The following DNAH17 variants were observed in gnomAD, a reference collection of about 807,000 sequenced individuals.
DNAH17 encodes the protein dynein axonemal heavy chain 17.
DNAH17 carries 376 observed loss-of-function variants against 485.6 expected under a neutral mutation model. The ratio of observed to expected loss-of-function variants is 0.77; its 90% CI spans 0.71 to 0.84. The LOEUF is 0.84. Ranked by LOEUF, DNAH17 falls within the 40% of genes least tolerant of loss-of-function variation. The probability of loss-of-function intolerance (pLI) is 0.00; values close to 1 mark genes in which losing one functional copy is unlikely to be tolerated. For synonymous variants in DNAH17, 3,031 were observed against 2,405.9 expected (o/e 1.26, Z -7.60); for missense variants, 6,370 against 5,839.3 (o/e 1.09, Z -2.96).
At position 78,445,657 on chromosome 17, in the gene DNAH17, C is replaced by G. The variant is rs1568061139; in HGVS notation, c.11235G>C (p.Leu3745=). 6.3e-7 allele frequency: 1 copy of G among 1,581,206 alleles called. No individual in the cohort carries two copies. Among genetic ancestry groups the G allele is most frequent in the East Asian group, 2.3e-5 (1 of 43,186 alleles). ...GGAGGAAATCCAGCTCCACTGGGTT[C>G]AGCTCCTTCTTCATGGACAGGACCT... is the stretch of plus-strand genomic sequence containing the variant. The part of the protein sequence containing the change: ...TFQVLSMKKE[L]NPVELDFLLR... The change falls in exon 70 of 81, where the codon CTG becomes CTC. Residue 3745 remains leucine (L), a synonymous_variant. Transcript: ENST00000389840.
At chr17:78,498,301 C>T (rs199947709) in intron 37 of DNAH17, among the ~76,000 whole-genome samples, 1 of 152,164 alleles carries the variant, frequency 6.6e-6, no homozygotes, top group Admixed American at 6.5e-5. Flanking sequence ...ACCTTGACAC[C>T]GCCAACGCCC....
intron 65 of DNAH17, among the ~76,000 whole-genome samples, chr17:78,451,931 C>T (rs766845238): frequency 1.3e-5 from 2 of 151,946 alleles, no homozygotes; most frequent in African/African-American, 4.8e-5. Context: ...ACCCCTCTGG[C>T]GATACTCTGT....
intron 16 of DNAH17, among the ~76,000 whole-genome samples, chr17:78,550,450 G>A (rs2091877634): frequency 1.1e-4 from 1 of 9,180 alleles, no homozygotes. Flanking sequence ...GGCATTTGGA[G>A]ATGAGAGCTT....
rs763792409 is a variant in DNAH17, at chr17:78,537,453, C to T, written c.2705G>A (p.Arg902His). The change falls in exon 19 of 81, where the codon CGC (arginine) becomes CAC (histidine). Residue 902 changes from arginine to histidine, a missense_variant. Arg to His is a conservative substitution (Grantham distance 29). Coordinates refer to ENST00000389840, the MANE Select transcript of DNAH17 (RefSeq NM_173628.4). ...DESIAPLFEI[R>H]MELDEDGLTF... ...CAGCCCATCCTCGTCCAGCTCCATGCGGATCTCAAACAGGGGAGCGATACT... is the reference window on the plus strand; with the variant it reads ...CAGCCCATCCTCGTCCAGCTCCATGTGGATCTCAAACAGGGGAGCGATACT... 48 of 1,613,312 alleles carry T rather than the reference C, an allele frequency of 3.0e-5. No individual in the cohort carries two copies. Among genetic ancestry groups the T allele is most frequent in the Non-Finnish European group, 3.9e-5 (46 of 1,179,836 alleles).
chr17:78,502,532 A>G lies in DNAH17; in HGVS notation c.5190+59T>C. ...AGGTTTCAGAAGGATACACGGGCCCATGCACCTGCTTTTTAAACAAGTTTT... is the reference window on the plus strand; with the variant it reads ...AGGTTTCAGAAGGATACACGGGCCCGTGCACCTGCTTTTTAAACAAGTTTT... On this transcript the variant is annotated intron_variant, in intron 33 of 80. Coordinates refer to ENST00000389840, the MANE Select transcript of DNAH17 (RefSeq NM_173628.4). 4.0e-6 allele frequency: 6 copies of G among 1,494,124 alleles called. No individual in the cohort carries two copies. The South Asian group carries it at 7.7e-5, about 19-fold the overall frequency. 92.6% of individuals were successfully genotyped at this position (1,494,124 alleles called of 1,614,324 possible). A position where few individuals can be genotyped will look rare whatever the true frequency, so the allele number is the denominator to read the frequency against.
intron 11 of DNAH17, among the ~76,000 whole-genome samples, chr17:78,563,899 T>C (rs1239791289): frequency 6.6e-6 from 1 of 152,098 alleles, no homozygotes; most frequent in Non-Finnish European, 1.5e-5. Context: ...ACAAGAGTTA[T>C]TTCTCCCCCT....
chr17:78,520,456 C>T (rs1192843094), intron 25 of DNAH17, among the ~76,000 whole-genome samples: 2 of 152,074 alleles, frequency 1.3e-5, no homozygotes, highest in Non-Finnish European at 2.9e-5. Context: ...ACATTATTGT[C>T]TATGTACAAA....
In DNAH17 at chr17:78,454,824, C is replaced by T. The variant is rs1031685319; in HGVS notation, c.10171-119G>A. On this transcript the variant is annotated intron_variant, in intron 63 of 80. Transcript: ENST00000389840. ...GGTTAGGGGTGGACCAGCAGGACGA[C>T]CTGGGAGAAGCCAGCCATTTCCATC... 8 of 837,764 alleles carry T rather than the reference C, an allele frequency of 9.5e-6. No homozygotes were observed. The South Asian group carries it at 1.0e-4, about 11-fold the overall frequency. 51.9% of individuals were successfully genotyped at this position (837,764 alleles called of 1,614,324 possible).
At position 78,451,492 on chromosome 17, in the gene DNAH17, G is replaced by A. The variant is rs368615279; in HGVS notation, c.10711C>T (p.Arg3571Cys). ...QLLAAVVAKERPDLEQLKANL... is the reference protein window; with the variant it reads ...QLLAAVVAKECPDLEQLKANL... ...ACCTTCAGCTGTTCCAGATCTGGGC[G>A]CTCTTTGGCCACCACAGCGGCCAAG... Residue 3571 changes from arginine to cysteine, a missense_variant, in exon 66 of 81, where the codon CGC becomes TGC. By Grantham distance (180) the Arg-to-Cys change is radical. Coordinates refer to ENST00000389840, the MANE Select transcript of DNAH17 (RefSeq NM_173628.4). 96 of 1,612,130 alleles carry A rather than the reference G, an allele frequency of 6.0e-5. No individual in the cohort carries two copies. Among genetic ancestry groups the A allele is most frequent in the East Asian group, 4.0e-4 (18 of 44,836 alleles).
At position 78,426,453 on chromosome 17, in the gene DNAH17, T is replaced by A; in HGVS notation, c.12915+4A>T. The A allele has an allele frequency of 2.5e-6, 4 of 1,594,208 alleles. No individual in the cohort carries two copies. In the East Asian group the frequency reaches 9.0e-5, roughly 36 times the overall value. ...GGAAGCCTCTCAGAGAAAACGGCAC[T>A]TACCCTGATGCGGAGCAGCAGGTCT... On this transcript the variant is annotated splice_donor_region_variant and intron_variant, in intron 79 of 80. Coordinates refer to ENST00000389840, the MANE Select transcript of DNAH17 (RefSeq NM_173628.4).
rs947129274 is a variant in DNAH17, at chr17:78,526,751, G to A, written c.3625-14C>T. The A allele has an allele frequency of 6.2e-6, 10 of 1,600,768 alleles. No individual in the cohort carries two copies. Among genetic ancestry groups the A allele is most frequent in the Middle Eastern group, 1.7e-4 (1 of 5,868 alleles). ...ATGTTGCTTGAGCTGCGAGAGAAGA[G>A]TGCAAAGTACAGAGAGTCACGGGGC... On this transcript the variant is annotated splice_polypyrimidine_tract_variant and intron_variant, in intron 23 of 80. Coordinates refer to ENST00000389840, the MANE Select transcript of DNAH17 (RefSeq NM_173628.4).
At position 78,574,866 on chromosome 17, in the gene DNAH17, G is replaced by A; in HGVS notation, c.192C>T (p.Pro64=). 6.2e-7 allele frequency: 1 copy of A among 1,614,054 alleles called. No individual in the cohort carries two copies. The highest frequency in any genetic ancestry group is 1.1e-5 in the South Asian group (1 of 91,088). Residue 64 remains proline (P), a synonymous_variant, in exon 2 of 81, where the codon CCC becomes CCT. Coordinates refer to ENST00000389840, the MANE Select transcript of DNAH17 (RefSeq NM_173628.4). ...LTLNAAGMII[P]CLGFPQSLKS... The stretch of plus-strand genomic sequence containing the variant: ...TGAGGGACTGGGGGAAGCCCAGGCA[G>A]GGTATGATCATGCCGGCTGCATTGA...
intron 59 of DNAH17, 43 bp from the exon 60 acceptor site, chr17:78,460,044 G>C: frequency 3.7e-6 from 6 of 1,606,374 alleles, no homozygotes; most frequent in Non-Finnish European, 5.1e-6. Context: ...AGTTTGGACC[G>C]GGTCCTCGGT....
intron 41 of DNAH17, 24 bp from the exon 42 acceptor site, chr17:78,492,789 CGT>C: frequency 6.2e-7 from 1 of 1,601,486 alleles, no homozygotes; most frequent in East Asian, 2.3e-5. Flanking sequence ...GGGTCACTCA[CGT>C]GTGACTCCAT....
intron 55 of DNAH17, among the ~76,000 whole-genome samples, chr17:78,467,286 G>T (rs1017045095): frequency 6.6e-6 from 1 of 152,214 alleles, no homozygotes; most frequent in Non-Finnish European, 1.5e-5. Context: ...GCTAGATAAG[G>T]ACCTCCCTTG....
intron 64 of DNAH17, 27 bp downstream of exon 64, chr17:78,454,443 C>A: frequency 6.3e-7 from 1 of 1,575,338 alleles, no homozygotes; most frequent in South Asian, 1.1e-5. Flanking sequence ...AGCCGGGCTT[C>A]GGCCCAGGTC....
At chr17:78,460,035 G>A (rs1208893367) in intron 59 of DNAH17, 34 bp from the exon 60 acceptor site, 20 of 1,609,394 alleles carry the variant, frequency 1.2e-5, no homozygotes, top group Non-Finnish European at 1.7e-5. Context: ...TCCGATGGGA[G>A]TTTGGACCGG....
chr17:78,492,547 C>A, intron 42 of DNAH17, 86 bp downstream of exon 42: 2 of 1,553,902 alleles, frequency 1.3e-6, no homozygotes, highest in Non-Finnish European at 1.8e-6. Flanking sequence ...GGGAGGCTGG[C>A]CTTCCACGTG....
In DNAH17 at chr17:78,446,351, A is replaced by G. The variant is rs528752250; in HGVS notation, c.11212-671T>C. On this transcript the variant is annotated intron_variant, in intron 69 of 80. Transcript: ENST00000389840. ...CTCCCCATCGCCCCTTGCCTCTGAG[A>G]GCTGCTCATCTGCCTTCTGCCTAGG... 7.2e-5 allele frequency among the ~76,000 whole-genome samples: 11 copies of G among 151,994 alleles called. No individual in the cohort carries two copies. The South Asian group carries it at 1.7e-3, about 23-fold the overall frequency.
Sources: gnomAD v4.1 joint callset for allele counts (sites outside exome capture counted in the v4.1 genomes callset) on GRCh38, gnomAD v4.1.1 for gene constraint, MANE v1.5 for transcripts, NCBI Gene and HGNC (gene_info 2026-07-23, HGNC 2026-07-21) for gene names.